Variants in CACNA2D3 observed in about 807,000 individuals in gnomAD.
The protein encoded by CACNA2D3 is calcium voltage-gated channel auxiliary subunit alpha2delta 3.
CACNA2D3 carries 60 observed loss-of-function variants against 160.6 expected under a neutral mutation model. The ratio of observed to expected loss-of-function variants is 0.37; its 90% CI spans 0.30 to 0.46. The LOEUF is 0.46. Ranked by LOEUF, CACNA2D3 falls within the 20% of genes least tolerant of loss-of-function variation. CACNA2D3 has a pLI of 1.00. For missense variants in CACNA2D3, 1,205 were observed against 1,365.0 expected (o/e 0.88, Z 1.85); for synonymous variants, 558 against 492.9 (o/e 1.13, Z -1.75).
chr3:54,587,246 T>C (rs1471835063), intron 9 of CACNA2D3, among the ~76,000 whole-genome samples: 1 of 136,486 alleles, frequency 7.3e-6, no homozygotes, highest in African/African-American at 2.9e-5. Flanking sequence ...CTGATAAACC[T>C]CTACCAAGAC....
intron 3 of CACNA2D3, among the ~76,000 whole-genome samples, chr3:54,339,740 C>T (rs1704473197): frequency 6.6e-6 from 1 of 152,104 alleles, no homozygotes; most frequent in Non-Finnish European, 1.5e-5. Context: ...TAATTAATAG[C>T]CTTTTAAAAT....
intron 4 of CACNA2D3, among the ~76,000 whole-genome samples, chr3:54,469,503 A>T (rs1027259279): frequency 3.3e-5 from 5 of 151,892 alleles, no homozygotes; most frequent in African/African-American, 1.2e-4. Flanking sequence ...AAAATTCCAA[A>T]AACCAGAATG....
chr3:54,871,723 G>A, intron 18 of CACNA2D3, 101 bp downstream of exon 18: 1 of 827,906 alleles, frequency 1.2e-6, no homozygotes, highest in Non-Finnish European at 2.0e-6. Flanking sequence ...CCCACTGAAG[G>A]GACACCTGGC....
intron 2 of CACNA2D3, among the ~76,000 whole-genome samples, chr3:54,156,167 C>T (rs6790642): frequency 0.083 from 12,618 of 152,080 alleles, 1,324 homozygotes; most frequent in African/African-American, 0.24. Context: ...GTGCAAATAG[C>T]TTATTTACAA....
At chr3:54,677,220 A>G (rs1328235275) in intron 11 of CACNA2D3, among the ~76,000 whole-genome samples, 1 of 152,184 alleles carries the variant, frequency 6.6e-6, no homozygotes, top group Non-Finnish European at 1.5e-5. Flanking sequence ...TCTTATACCC[A>G]TTTACTAGAA....
At chr3:54,815,271 G>C (rs1220677376) in intron 13 of CACNA2D3, among the ~76,000 whole-genome samples, 1 of 152,142 alleles carries the variant, frequency 6.6e-6, no homozygotes, top group Non-Finnish European at 1.5e-5. Context: ...AAAAGTGTTG[G>C]AAATTGAGTG....
intron 13 of CACNA2D3, among the ~76,000 whole-genome samples, chr3:54,813,899 C>G (rs1703391768): frequency 7.1e-6 from 1 of 140,096 alleles, no homozygotes; most frequent in African/African-American, 2.7e-5. Context: ...GGATCTCACT[C>G]TGTCGCCCAG....
intron 35 of CACNA2D3, among the ~76,000 whole-genome samples, chr3:55,032,368 A>G (rs543205155): frequency 6.6e-6 from 1 of 152,308 alleles, no homozygotes; most frequent in East Asian, 1.9e-4. Context: ...GATCCACTTG[A>G]TCTAAGGGAA....
intron 2 of CACNA2D3, among the ~76,000 whole-genome samples, chr3:54,311,529 G>A (rs1485179245): frequency 6.6e-6 from 1 of 152,112 alleles, no homozygotes; most frequent in African/African-American, 2.4e-5. Flanking sequence ...GTGATGGCCG[G>A]TCCTTTCTGT....
At chr3:54,553,230 A>G (rs868820480) in intron 5 of CACNA2D3, among the ~76,000 whole-genome samples, 17 of 152,264 alleles carry the variant, frequency 1.1e-4, no homozygotes, top group East Asian at 3.8e-4. Context: ...CTATTTTCCA[A>G]TAGATATAAG....
intron 5 of CACNA2D3, among the ~76,000 whole-genome samples, chr3:54,521,740 G>T (rs1261071505): frequency 6.6e-6 from 1 of 152,128 alleles, no homozygotes; most frequent in Non-Finnish European, 1.5e-5. Context: ...TTGAGTTTTT[G>T]TGTGAGGTAA....
chr3:54,760,705 A>G (rs939689633), intron 12 of CACNA2D3, among the ~76,000 whole-genome samples: 3 of 151,944 alleles, frequency 2.0e-5, no homozygotes, highest in African/African-American at 7.3e-5. Flanking sequence ...GATTTTAGAG[A>G]TAGGACCAGA....
intron 2 of CACNA2D3, among the ~76,000 whole-genome samples, chr3:54,235,860 G>A (rs1257370744): frequency 6.6e-6 from 1 of 152,206 alleles, no homozygotes; most frequent in African/African-American, 2.4e-5. Context: ...GCTGTGCATA[G>A]TGACTTTCTT....
At chr3:54,225,139 T>G (rs540459907) in intron 2 of CACNA2D3, among the ~76,000 whole-genome samples, 27 of 152,032 alleles carry the variant, frequency 1.8e-4, no homozygotes, top group African/African-American at 6.3e-4. Flanking sequence ...GTGTGTGATG[T>G]TCCCCTTCCT....
At chr3:55,028,862 T>C (rs79416851) in intron 35 of CACNA2D3, among the ~76,000 whole-genome samples, 1 of 152,222 alleles carries the variant, frequency 6.6e-6, no homozygotes, top group Non-Finnish European at 1.5e-5. Flanking sequence ...GCTTTGCTCA[T>C]CTTCCTGGAA....
chr3:54,136,057 C>T (rs1008420011), intron 2 of CACNA2D3, among the ~76,000 whole-genome samples: 1 of 152,174 alleles, frequency 6.6e-6, no homozygotes, highest in South Asian at 2.1e-4. Flanking sequence ...CAGCTGATCT[C>T]CACTGGAAAT....
At chr3:54,694,090 C>T (rs1383434614) in intron 11 of CACNA2D3, among the ~76,000 whole-genome samples, 1 of 152,222 alleles carries the variant, frequency 6.6e-6, no homozygotes, top group Admixed American at 6.5e-5. Flanking sequence ...TCACCTAGGG[C>T]AACTTCCAGT....
At chr3:54,322,996 C>T (rs1486619285) in intron 3 of CACNA2D3, among the ~76,000 whole-genome samples, 1 of 152,132 alleles carries the variant, frequency 6.6e-6, no homozygotes, top group Non-Finnish European at 1.5e-5. Context: ...GATGCTCGAG[C>T]CTGTAACATC....
At chr3:54,322,543 C>T (rs1180970109) in intron 3 of CACNA2D3, among the ~76,000 whole-genome samples, 3 of 152,162 alleles carry the variant, frequency 2.0e-5, no homozygotes, top group African/African-American at 7.2e-5. Context: ...GGGCAGGGCT[C>T]AGCAGAGTTA....
Sources: allele counts gnomAD v4.1 joint callset (sites outside exome capture counted in the v4.1 genomes callset), GRCh38; gene constraint gnomAD v4.1.1; transcripts MANE v1.5; gene names NCBI Gene and HGNC (gene_info 2026-07-23, HGNC 2026-07-21).